LDLRAD3: variants seen among roughly 807,000 people sequenced by gnomAD.
LDLRAD3 encodes low density lipoprotein receptor class A domain containing 3, also known as low-density lipoprotein receptor class A domain-containing protein 3.
LDLRAD3 carries 20 observed loss-of-function variants against 29.4 expected under a neutral mutation model. That is an observed-to-expected ratio of 0.68 (90% CI 0.48 to 0.99). The LOEUF is 0.99. LDLRAD3 is among the 50% of genes least tolerant of loss of function. The pLI, the probability that LDLRAD3 is intolerant of heterozygous loss-of-function variation, is 0.00. For missense variants in LDLRAD3, 420 were observed against 454.3 expected (o/e 0.92, Z 0.69); for synonymous variants, 157 against 192.7 (o/e 0.81, Z 1.53).
chr11:36,093,608 C>G (rs1853316136), intron 3 of LDLRAD3, among the ~76,000 whole-genome samples: 1 of 152,184 alleles, frequency 6.6e-6, no homozygotes, highest in Admixed American at 6.5e-5. Context: ...CCCTGCCCCG[C>G]CCAGGCCTTA....
In LDLRAD3 at chr11:35,978,901, T is replaced by G. The variant is rs7114189; in HGVS notation, c.46+34757T>G. ...TATTACTATATGGTTTCCCTGAACT[T>G]GGGCTCATTTTGGATTTTGCTGAAT... On this transcript the variant is annotated intron_variant, in intron 1 of 5. Transcript: ENST00000315571. Among the ~76,000 whole-genome samples the G allele has an allele frequency of 4.9e-3, 751 of 152,310 alleles. 17 individuals carry two copies. In the South Asian group the frequency reaches 0.061, roughly 12 times the overall value.
At chr11:35,949,069 T>C (rs1189382010) in intron 1 of LDLRAD3, among the ~76,000 whole-genome samples, 1 of 152,164 alleles carries the variant, frequency 6.6e-6, no homozygotes, top group African/African-American at 2.4e-5. Flanking sequence ...GTGTGTCTTC[T>C]GGATGCAGGG....
intron 2 of LDLRAD3, among the ~76,000 whole-genome samples, chr11:36,058,429 G>A (rs1035514253): frequency 2.0e-4 from 30 of 152,134 alleles, no homozygotes; most frequent in Non-Finnish European, 3.5e-4. Flanking sequence ...GTCAGATTGC[G>A]AGCTCTTTAA....
intron 1 of LDLRAD3, among the ~76,000 whole-genome samples, chr11:35,989,221 A>G (rs1383213703): frequency 1.3e-5 from 2 of 151,848 alleles, no homozygotes; most frequent in Non-Finnish European, 2.9e-5. Context: ...CTTCTGTTCC[A>G]TTGGTTTATG....
intron 4 of LDLRAD3, among the ~76,000 whole-genome samples, chr11:36,159,773 A>G (rs886080395): frequency 2.0e-5 from 3 of 151,836 alleles, no homozygotes; most frequent in Non-Finnish European, 4.4e-5. Context: ...CCCTCAAAAA[A>G]AAAGGAGAAC....
At chr11:36,100,504 A>C (rs942939958) in intron 4 of LDLRAD3, among the ~76,000 whole-genome samples, 1 of 152,156 alleles carries the variant, frequency 6.6e-6, no homozygotes, top group Admixed American at 6.5e-5. Flanking sequence ...CAGTGGCGTG[A>C]TCTTGGCTCA....
intron 1 of LDLRAD3, among the ~76,000 whole-genome samples, chr11:36,028,884 AG>A (rs1397388428): frequency 6.6e-6 from 1 of 152,124 alleles, no homozygotes; most frequent in African/African-American, 2.4e-5. Context: ...TTACTTCTTC[AG>A]TTTCAGTTTC....
intron 3 of LDLRAD3, among the ~76,000 whole-genome samples, chr11:36,093,127 G>A (rs1451177151): frequency 6.6e-6 from 1 of 152,162 alleles, no homozygotes; most frequent in Non-Finnish European, 1.5e-5. Flanking sequence ...TATGATGGGA[G>A]AGTAAAAGGG....
chr11:35,994,791 A>T (rs1209162013), intron 1 of LDLRAD3, among the ~76,000 whole-genome samples: 1 of 152,226 alleles, frequency 6.6e-6, no homozygotes, highest in Non-Finnish European at 1.5e-5. Flanking sequence ...TCATTTCAAC[A>T]GTGTTCATAG....
intron 1 of LDLRAD3, among the ~76,000 whole-genome samples, chr11:35,983,532 C>A (rs1056967958): frequency 6.6e-6 from 1 of 152,198 alleles, no homozygotes; most frequent in Non-Finnish European, 1.5e-5. Context: ...ACACCTAGAC[C>A]CCTGTAGGGG....
intron 1 of LDLRAD3, among the ~76,000 whole-genome samples, chr11:35,976,387 G>A (rs1399686832): frequency 6.6e-6 from 1 of 152,064 alleles, no homozygotes. Flanking sequence ...GAGGCAATAT[G>A]GGACTTTATG....
chr11:36,155,426 C>T (rs948444332), intron 4 of LDLRAD3, among the ~76,000 whole-genome samples: 11 of 152,042 alleles, frequency 7.2e-5, no homozygotes, highest in East Asian at 5.8e-4. Flanking sequence ...GGAGAGAGCC[C>T]GCTGAAGTCA....
chr11:36,222,662 G>T (rs1855445789), intron 4 of LDLRAD3, among the ~76,000 whole-genome samples: 1 of 152,186 alleles, frequency 6.6e-6, no homozygotes, highest in Admixed American at 6.5e-5. Flanking sequence ...AGTGTCAGCT[G>T]CTTGAGTGCC....
rs191190624 is a variant in LDLRAD3, at chr11:36,173,456, G to A, written c.455-53629G>A. On this transcript the variant is annotated intron_variant, in intron 4 of 5. Coordinates refer to ENST00000315571, the MANE Select transcript of LDLRAD3 (RefSeq NM_174902.4). ...GCAGTATTTGGTTTTTTGTCCCTGCGATAGTTTGCTGAGAATGATGGTTTC... is the reference window on the plus strand; with the variant it reads ...GCAGTATTTGGTTTTTTGTCCCTGCAATAGTTTGCTGAGAATGATGGTTTC... 2.9e-3 allele frequency among the ~76,000 whole-genome samples: 434 copies of A among 151,086 alleles called. 3 individuals are homozygous for A. Among genetic ancestry groups the A allele is most frequent in the African/African-American group, 0.01 (415 of 41,164 alleles).
At chr11:36,179,895 G>A (rs1271299412) in intron 4 of LDLRAD3, among the ~76,000 whole-genome samples, 1 of 152,136 alleles carries the variant, frequency 6.6e-6, no homozygotes, top group Non-Finnish European at 1.5e-5. Context: ...CTACTTGGGA[G>A]GCTGAGGTCG....
intron 1 of LDLRAD3, chr11:35,968,394 G>T: frequency 2.8e-6 from 1 of 362,344 alleles, no homozygotes; most frequent in Non-Finnish European, 5.5e-6. Flanking sequence ...GCACCATGTG[G>T]CTGCTTGTTC....
At chr11:36,048,421 A>G (rs935363670) in intron 2 of LDLRAD3, among the ~76,000 whole-genome samples, 2 of 152,142 alleles carry the variant, frequency 1.3e-5, no homozygotes, top group Non-Finnish European at 2.9e-5. Flanking sequence ...GAATCAGACT[A>G]TCTACCTGGG....
chr11:36,113,011 A>G (rs1853626599), intron 4 of LDLRAD3, among the ~76,000 whole-genome samples: 1 of 152,230 alleles, frequency 6.6e-6, no homozygotes, highest in Non-Finnish European at 1.5e-5. Context: ...GAAGACCTAC[A>G]TTGCATACCT....
intron 4 of LDLRAD3, among the ~76,000 whole-genome samples, chr11:36,135,729 G>A (rs1392960529): frequency 6.6e-6 from 1 of 152,136 alleles, no homozygotes; most frequent in Non-Finnish European, 1.5e-5. Context: ...GGCCAACATG[G>A]TGAAACACCG....
Sources: allele counts gnomAD v4.1 joint callset (sites outside exome capture counted in the v4.1 genomes callset), GRCh38; gene constraint gnomAD v4.1.1; transcripts MANE v1.5; gene names NCBI Gene and HGNC (gene_info 2026-07-23, HGNC 2026-07-21).